Variants in GRIP1 observed in about 807,000 individuals in gnomAD.
GRIP1 encodes the protein glutamate receptor-interacting protein 1.
In GRIP1, 45 loss-of-function variants were observed where a neutral mutation model predicts 129.9. The ratio of observed to expected loss-of-function variants is 0.35; its 90% CI spans 0.27 to 0.44. The LOEUF (loss-of-function observed/expected upper bound fraction) is 0.44, where lower values mean the gene tolerates loss of function less well. Ranked by LOEUF, GRIP1 falls within the 20% of genes least tolerant of loss-of-function variation. The pLI, the probability that GRIP1 is intolerant of heterozygous loss-of-function variation, is 1.00. For missense variants in GRIP1, 1,196 were observed against 1,396.8 expected (o/e 0.86, Z 2.29); for synonymous variants, 530 against 520.8 (o/e 1.02, Z -0.24).
At position 66,515,824 on chromosome 12, in the gene GRIP1, T is replaced by C. The variant is rs982252894; in HGVS notation, c.579-60A>G. 9.1e-6 allele frequency: 13 copies of C among 1,422,466 alleles called. 1 individual carries two copies. In the Middle Eastern group the frequency reaches 1.3e-3, roughly 141 times the overall value. The allele number at this position is 1,422,466 out of a possible 1,614,324, so 88.1% of individuals were successfully genotyped here. A position where few individuals can be genotyped will look rare whatever the true frequency, so the allele number is the denominator to read the frequency against. On this transcript the variant is annotated intron_variant, in intron 6 of 24. Transcript: ENST00000359742. ...TTAGCATAATGGGGCTTAGTATTAA[T>C]AGTCACTTTAGCCAAATTCGTTTTG...
chr12:66,831,848 G>C (rs2039524431), intron 1 of GRIP1, among the ~76,000 whole-genome samples: 1 of 147,292 alleles, frequency 6.8e-6, no homozygotes, highest in African/African-American at 2.5e-5. Context: ...CTACCACCTA[G>C]ACTGCAGTAA....
chr12:66,926,276 A>T (rs1261246755), intron 1 of GRIP1, among the ~76,000 whole-genome samples: 2 of 152,170 alleles, frequency 1.3e-5, no homozygotes, highest in African/African-American at 2.4e-5. Context: ...CCACCACCTA[A>T]GGAGAGATTA....
At chr12:66,563,315 G>A (rs2062607147) in intron 2 of GRIP1, among the ~76,000 whole-genome samples, 1 of 152,072 alleles carries the variant, frequency 6.6e-6, no homozygotes, top group Non-Finnish European at 1.5e-5. Flanking sequence ...AGAGTTTGAG[G>A]CTTGGATTTA....
intron 1 of GRIP1, among the ~76,000 whole-genome samples, chr12:66,741,922 CTG>C (rs1179220859): frequency 6.6e-6 from 1 of 152,170 alleles, no homozygotes; most frequent in Non-Finnish European, 1.5e-5. Context: ...TTGCCAAGCA[CTG>C]TTTCTTTTCA....
At chr12:66,355,556 C>T (rs997563512) in intron 23 of GRIP1, among the ~76,000 whole-genome samples, 1 of 152,056 alleles carries the variant, frequency 6.6e-6, no homozygotes, top group Non-Finnish European at 1.5e-5. Context: ...ACCCCCACAC[C>T]GGCCCCACCA....
At chr12:66,835,561 C>G (rs2039598432) in intron 1 of GRIP1, among the ~76,000 whole-genome samples, 1 of 152,110 alleles carries the variant, frequency 6.6e-6, no homozygotes, top group Admixed American at 6.6e-5. Context: ...TACTAGAATA[C>G]TATTTAGCAC....
chr12:66,481,093 A>T (rs930760912), intron 7 of GRIP1, among the ~76,000 whole-genome samples: 4 of 152,166 alleles, frequency 2.6e-5, no homozygotes. Context: ...CAAAACTAAC[A>T]AATGGGATCT....
At chr12:66,486,515 T>G (rs1485925111) in intron 7 of GRIP1, among the ~76,000 whole-genome samples, 1 of 152,154 alleles carries the variant, frequency 6.6e-6, no homozygotes, top group South Asian at 2.1e-4. Flanking sequence ...CCCCGTACTA[T>G]TCTCATGGTA....
intron 2 of GRIP1, among the ~76,000 whole-genome samples, chr12:66,580,438 C>T (rs1814787636): frequency 6.6e-6 from 1 of 151,994 alleles, no homozygotes; most frequent in Non-Finnish European, 1.5e-5. Context: ...GGACTAAATG[C>T]TCCAATTAAA....
chr12:66,417,312 A>G (rs1253221139), intron 15 of GRIP1, among the ~76,000 whole-genome samples: 4 of 152,204 alleles, frequency 2.6e-5, no homozygotes, highest in African/African-American at 9.6e-5. Flanking sequence ...AAAGCCATAT[A>G]CAACAGAGCT....
chr12:66,751,060 A>C (rs1168702126), intron 1 of GRIP1, among the ~76,000 whole-genome samples: 1 of 152,232 alleles, frequency 6.6e-6, no homozygotes, highest in African/African-American at 2.4e-5. Flanking sequence ...TCATTTAAAA[A>C]AATTTTTTTA....
At position 66,605,590 on chromosome 12, in the gene GRIP1, TTTGA is replaced by T. The variant is rs574885948; in HGVS notation, c.56-8667_56-8664del. Among the ~76,000 whole-genome samples the T allele has an allele frequency of 3.8e-3, 583 of 152,280 alleles. 13 individuals carry two copies. The highest frequency in any genetic ancestry group is 1.1e-3 in the Non-Finnish European group (75 of 68,004). On this transcript the variant is annotated intron_variant, in intron 1 of 24. Coordinates refer to ENST00000359742, the MANE Select transcript of GRIP1 (RefSeq NM_001366722.1). ...GTGGGGCGGAGCATTCCTGTGTATG[TTTGA>T]TTATTGAGAAATTAGCCTTTAATGC... is the stretch of plus-strand genomic sequence containing the variant.
chr12:66,897,592 C>A (rs146931040), intron 1 of GRIP1, among the ~76,000 whole-genome samples: 1 of 152,088 alleles, frequency 6.6e-6, no homozygotes, highest in Non-Finnish European at 1.5e-5. Flanking sequence ...ATGATGGTGG[C>A]GGATGAGCTA....
intron 7 of GRIP1, among the ~76,000 whole-genome samples, chr12:66,488,874 A>G (rs1302576284): frequency 1.3e-5 from 2 of 152,160 alleles, no homozygotes; most frequent in Admixed American, 6.5e-5. Flanking sequence ...AATCTAGAAG[A>G]AATGTATAAA....
chr12:66,750,689 A>C (rs1445435015), intron 1 of GRIP1, among the ~76,000 whole-genome samples: 1 of 152,202 alleles, frequency 6.6e-6, no homozygotes, highest in African/African-American at 2.4e-5. Context: ...CATTAGAATA[A>C]CAACTTTGAA....
At chr12:66,873,927 CT>C (rs778666702) in intron 1 of GRIP1, among the ~76,000 whole-genome samples, 2 of 152,064 alleles carry the variant, frequency 1.3e-5, no homozygotes, top group Admixed American at 6.6e-5. Flanking sequence ...TTACGTTTCT[CT>C]ACATCTTATC....
intron 15 of GRIP1, among the ~76,000 whole-genome samples, chr12:66,407,133 C>T (rs896035116): frequency 6.6e-6 from 1 of 152,150 alleles, no homozygotes; most frequent in Non-Finnish European, 1.5e-5. Flanking sequence ...TGCATTATAT[C>T]TGTGCCAGAG....
At chr12:66,463,746 G>A (rs370256239) in intron 8 of GRIP1, among the ~76,000 whole-genome samples, 16 of 152,256 alleles carry the variant, frequency 1.1e-4, no homozygotes, top group East Asian at 9.6e-4. Context: ...ATGGGGGCAG[G>A]GAAGGGGCTA....
chr12:66,490,858 A>G (rs1357851893), intron 7 of GRIP1, among the ~76,000 whole-genome samples: 5 of 152,252 alleles, frequency 3.3e-5, no homozygotes, highest in Admixed American at 2.6e-4. Context: ...CATATGAAAA[A>G]AAGCTCCACA....
Sources: allele counts gnomAD v4.1 joint callset (sites outside exome capture counted in the v4.1 genomes callset), GRCh38; gene constraint gnomAD v4.1.1; transcripts MANE v1.5; gene names NCBI Gene and HGNC (gene_info 2026-07-23, HGNC 2026-07-21).